NELL2: variants seen among roughly 807,000 people sequenced by gnomAD.
NELL2 encodes neural EGFL like 2.
In NELL2, 41 loss-of-function variants were observed where a neutral mutation model predicts 109.6. The observed-to-expected ratio is 0.37, with a 90% CI of 0.29 to 0.49. The LOEUF (loss-of-function observed/expected upper bound fraction) is 0.49, where lower values mean the gene tolerates loss of function less well. Ranked by LOEUF, NELL2 falls within the 20% of genes least tolerant of loss-of-function variation. The pLI is 0.98. For missense variants in NELL2, 900 were observed against 1,008.3 expected, an observed-to-expected ratio of 0.89 and a Z score of 1.45; for synonymous variants, 355 against 344.7, an observed-to-expected ratio of 1.03 and a Z score of -0.33.
At chr12:44,857,851 C>T (rs1448209719) in intron 2 of NELL2, among the ~76,000 whole-genome samples, 1 of 152,086 alleles carries the variant, frequency 6.6e-6, no homozygotes, top group Non-Finnish European at 1.5e-5. Context: ...TCCATATATC[C>T]TTTACTCCCC....
At chr12:44,820,776 T>C (rs1346092892) in intron 2 of NELL2, among the ~76,000 whole-genome samples, 2 of 152,124 alleles carry the variant, frequency 1.3e-5, no homozygotes, top group Admixed American at 6.6e-5. Context: ...GGTACCCAAA[T>C]GGGATTTCAG....
At chr12:44,510,293 T>G (rs1294574389) in intron 19 of NELL2, among the ~76,000 whole-genome samples, 1 of 152,152 alleles carries the variant, frequency 6.6e-6, no homozygotes, top group African/African-American at 2.4e-5. Flanking sequence ...TGGATTCCTA[T>G]TAATAGTCAC....
chr12:44,831,710 G>C (rs1943892834), intron 2 of NELL2, among the ~76,000 whole-genome samples: 1 of 152,110 alleles, frequency 6.6e-6, no homozygotes, highest in Non-Finnish European at 1.5e-5. Context: ...AAAAGGAACT[G>C]ATTGTCCCCA....
intron 15 of NELL2, among the ~76,000 whole-genome samples, chr12:44,569,621 G>A (rs578161125): frequency 1.4e-4 from 21 of 152,232 alleles, no homozygotes; most frequent in Non-Finnish European, 2.1e-4. Flanking sequence ...AAAGTTAAGC[G>A]TAGACTTCAG....
intron 12 of NELL2, 70 bp downstream of exon 12, chr12:44,703,656 T>C (rs894883112): frequency 5.1e-6 from 8 of 1,553,512 alleles, no homozygotes; most frequent in Non-Finnish European, 7.1e-6. Flanking sequence ...ACCTGGGAAC[T>C]TAATAAATTT....
At chr12:44,905,282 T>C (rs1945707370) in intron 1 of NELL2, among the ~76,000 whole-genome samples, 1 of 151,940 alleles carries the variant, frequency 6.6e-6, no homozygotes, top group Non-Finnish European at 1.5e-5. Context: ...AAGGTATGTG[T>C]ATTGTAAGCT....
At chr12:44,630,539 G>C (rs1458634963) in intron 13 of NELL2, among the ~76,000 whole-genome samples, 2 of 152,214 alleles carry the variant, frequency 1.3e-5, no homozygotes, top group East Asian at 3.9e-4. Flanking sequence ...CCAGCCACAT[G>C]GCCACACTGT....
chr12:44,682,978 G>A (rs1250541524), intron 12 of NELL2, among the ~76,000 whole-genome samples: 5 of 152,104 alleles, frequency 3.3e-5, no homozygotes, highest in Non-Finnish European at 5.9e-5. Context: ...AGTTTGATGG[G>A]GATGACATTG....
chr12:44,566,958 T>C (rs1042272357), intron 15 of NELL2, among the ~76,000 whole-genome samples: 6 of 151,994 alleles, frequency 3.9e-5, no homozygotes, highest in African/African-American at 1.4e-4. Flanking sequence ...ATTACAAACG[T>C]GCACCACCAG....
At chr12:44,687,519 T>C (rs1948765353) in intron 12 of NELL2, among the ~76,000 whole-genome samples, 1 of 152,224 alleles carries the variant, frequency 6.6e-6, no homozygotes. Flanking sequence ...CTCCAAGCCT[T>C]TTTTTCAGAT....
intron 15 of NELL2, among the ~76,000 whole-genome samples, chr12:44,551,915 C>T (rs1943056888): frequency 6.6e-6 from 1 of 152,122 alleles, no homozygotes; most frequent in Non-Finnish European, 1.5e-5. Context: ...AGAATCCCCT[C>T]AGAGAACATG....
Position 44,875,581 on chromosome 12 carries a change from C to T in NELL2, c.56-228G>A, listed in dbSNP as rs376439275. 4.4e-4 allele frequency: 717 copies of T among 1,613,892 alleles called. 3 individuals carry two copies. Among genetic ancestry groups the T allele is most frequent in the Non-Finnish European group, 5.3e-4 (626 of 1,179,870 alleles). The stretch of plus-strand genomic sequence containing the variant: ...CATGACCTCCTTTAAACCCTTCTCT[C>T]TGCAAAGTTCCCCCTCAGCCCTCCG... On this transcript the variant is annotated intron_variant, in intron 1 of 19. Coordinates refer to ENST00000429094, the MANE Select transcript of NELL2 (RefSeq NM_001145108.2).
intron 12 of NELL2, among the ~76,000 whole-genome samples, chr12:44,685,741 GC>G (rs1948693039): frequency 6.6e-6 from 1 of 152,000 alleles, no homozygotes; most frequent in African/African-American, 2.4e-5. Flanking sequence ...TTGAATATTG[GC>G]CCCCACTCTC....
At chr12:44,785,630 T>C (rs1046236098) in intron 3 of NELL2, among the ~76,000 whole-genome samples, 9 of 152,242 alleles carry the variant, frequency 5.9e-5, no homozygotes, top group African/African-American at 2.2e-4. Context: ...CTTCAAACTA[T>C]ACTACAGGCT....
intron 3 of NELL2, among the ~76,000 whole-genome samples, chr12:44,783,268 C>A (rs770319427): frequency 5.0e-4 from 75 of 150,816 alleles, no homozygotes; most frequent in Non-Finnish European, 8.4e-4. Flanking sequence ...GCACTAAATG[C>A]ATATATTAGA....
intron 12 of NELL2, among the ~76,000 whole-genome samples, chr12:44,697,563 G>A (rs760541546): frequency 1.3e-4 from 20 of 152,218 alleles, no homozygotes; most frequent in Non-Finnish European, 2.2e-4. Context: ...ATGAAATGAC[G>A]TTATTTGAGG....
intron 9 of NELL2, among the ~76,000 whole-genome samples, chr12:44,749,753 A>G (rs943232835): frequency 6.6e-6 from 1 of 152,166 alleles, no homozygotes; most frequent in Admixed American, 6.6e-5. Context: ...GTGACATGAG[A>G]AGAGAAGAGG....
chr12:44,636,920 C>T (rs2094129607), intron 13 of NELL2, among the ~76,000 whole-genome samples: 1 of 152,084 alleles, frequency 6.6e-6, no homozygotes, highest in Non-Finnish European at 1.5e-5. Context: ...TTTACTGCCT[C>T]AATTTCAGAC....
chr12:44,725,768 A>G lies in NELL2; in HGVS notation c.995-11027T>C, dbSNP rs551939262. Reference sequence around the variant, plus strand: ...GCAGGAACAGAAAACCAAATACCACATGTTTTCACTTATAAGTGGGAACTA... The same window carrying G: ...GCAGGAACAGAAAACCAAATACCACGTGTTTTCACTTATAAGTGGGAACTA... On this transcript the variant is annotated intron_variant, in intron 9 of 19. Transcript: ENST00000429094. Among the ~76,000 whole-genome samples the G allele has an allele frequency of 3.9e-5, 6 of 152,332 alleles. No homozygotes were observed. In the East Asian group the frequency reaches 1.2e-3, roughly 29 times the overall value.
Sources: allele counts gnomAD v4.1 joint callset (sites outside exome capture counted in the v4.1 genomes callset), GRCh38; gene constraint gnomAD v4.1.1; transcripts MANE v1.5; gene names NCBI Gene and HGNC (gene_info 2026-07-23, HGNC 2026-07-21).